Variants in XPO5 observed in about 807,000 individuals in gnomAD.
XPO5 encodes exportin 5, also known as exportin-5.
Under a neutral mutation model 160.6 loss-of-function variants are expected in XPO5, and 46 were observed. That is an observed-to-expected ratio of 0.29 (90% CI 0.23 to 0.37). XPO5 has a LOEUF of 0.37. Ranked by LOEUF, XPO5 falls within the 10% of genes least tolerant of loss-of-function variation. The probability of loss-of-function intolerance (pLI) is 1.00; values close to 1 mark genes in which losing one functional copy is unlikely to be tolerated. For synonymous variants in XPO5, 537 were observed against 519.3 expected (o/e 1.03, Z -0.46); for missense variants, 1,090 against 1,463.9 (o/e 0.74, Z 4.17).
chr6:43,575,812 G>A lies in XPO5; in HGVS notation c.53C>T (p.Thr18Met). The A allele has an allele frequency of 1.9e-6, 3 of 1,613,818 alleles. No homozygotes were observed. The highest frequency in any genetic ancestry group is 2.2e-5 in the South Asian group (2 of 91,084). ...ALCEQLVKAVTVMMDPNSTQR... is the reference protein window; with the variant it reads ...ALCEQLVKAVMVMMDPNSTQR... ...GGTGGAGTTGGGGTCCATCATGACC[G>A]TCACCGCTTTCACCAGCTGCTCGCA... The change falls in exon 1 of 32, where the codon ACG (threonine) becomes ATG (methionine). Residue 18 changes from threonine to methionine, a missense_variant. By Grantham distance (81) the Thr-to-Met change is moderately conservative. Transcript: ENST00000265351.
At chr6:43,573,826 T>A (rs868460817) in intron 1 of XPO5, among the ~76,000 whole-genome samples, 7,936 of 121,140 alleles carry the variant, frequency 0.066, 178 homozygotes, top group African/African-American at 0.1. Flanking sequence ...TATATATATT[T>A]TTTTTTTTTT....
chr6:43,563,206 C>G (rs920118753), intron 8 of XPO5, among the ~76,000 whole-genome samples: 10 of 152,088 alleles, frequency 6.6e-5, no homozygotes, highest in African/African-American at 2.4e-4. Flanking sequence ...CTCACTGAAG[C>G]CTCAAACTAA....
chr6:43,568,568 T>C, intron 6 of XPO5, 143 bp downstream of exon 6: 1 of 632,020 alleles, frequency 1.6e-6, no homozygotes, highest in Non-Finnish European at 2.5e-6. Context: ...ACCACACAAC[T>C]GCACTCCAGC....
In XPO5 at chr6:43,568,704, C is replaced by A. The variant is rs367687316; in HGVS notation, c.648+7G>T. The A allele has an allele frequency of 2.5e-6, 4 of 1,578,896 alleles. No individual in the cohort carries two copies. The highest frequency in any genetic ancestry group is 3.4e-6 in the Non-Finnish European group (4 of 1,161,464). On this transcript the variant is annotated splice_region_variant and intron_variant, in intron 6 of 31. Coordinates refer to ENST00000265351, the MANE Select transcript of XPO5 (RefSeq NM_020750.3). The stretch of plus-strand genomic sequence containing the variant: ...GGTCTCCTTCAAACTTTATAAAGAG[C>A]TCTTACCTTTGACTCCTGAGAAGTA...
chr6:43,548,215 T>C, intron 18 of XPO5, 46 bp downstream of exon 18: 1 of 1,504,054 alleles, frequency 6.6e-7, no homozygotes, highest in South Asian at 1.4e-5. Flanking sequence ...TAAACCAAAA[T>C]GGGTGCTTGA....
At chr6:43,541,219 T>C (rs558768677) in intron 20 of XPO5, among the ~76,000 whole-genome samples, 8 of 152,298 alleles carry the variant, frequency 5.3e-5, no homozygotes, top group African/African-American at 1.4e-4. Flanking sequence ...TAGTCAATAA[T>C]AATTTTGATT....
At chr6:43,569,520 G>C (rs1420443453) in intron 5 of XPO5, among the ~76,000 whole-genome samples, 2 of 151,912 alleles carry the variant, frequency 1.3e-5, no homozygotes. Flanking sequence ...GATTATTTGA[G>C]GTCAGGAGTT....
chr6:43,558,855 T>A (rs902283707), intron 11 of XPO5: 5 of 346,086 alleles, frequency 1.4e-5, no homozygotes, highest in African/African-American at 1.1e-4. Context: ...TGAATTCTTT[T>A]AAGGTCCCCA....
chr6:43,539,129 A>T (rs1794532180), intron 20 of XPO5: 1 of 1,194,804 alleles, frequency 8.4e-7, no homozygotes, highest in Non-Finnish European at 1.2e-6. Flanking sequence ...GAGGCGCACC[A>T]GCACAGAGCC....
At chr6:43,546,525 A>C in intron 20 of XPO5, 46 bp downstream of exon 20, 1 of 1,549,480 alleles carries the variant, frequency 6.5e-7, no homozygotes, top group Non-Finnish European at 8.7e-7. Context: ...TGAAATTTTT[A>C]AGGTAAAGTA....
In XPO5 at chr6:43,525,938, G is replaced by A. The variant is rs762924272; in HGVS notation, c.2984-17C>T. The A allele has an allele frequency of 4.2e-5, 67 of 1,613,144 alleles. 1 individual carries two copies. In the South Asian group the frequency reaches 7.4e-4, roughly 18 times the overall value. On this transcript the variant is annotated splice_polypyrimidine_tract_variant and intron_variant, in intron 27 of 31. Transcript: ENST00000265351. ...TTTCTTCATCTGTTATCAGAGAGTAGAATGTTAAGCTCCATCCTTTCAGAA... is the reference window on the plus strand; with the variant it reads ...TTTCTTCATCTGTTATCAGAGAGTAAAATGTTAAGCTCCATCCTTTCAGAA...
intron 20 of XPO5, among the ~76,000 whole-genome samples, chr6:43,537,385 G>C (rs1794404866): frequency 6.6e-6 from 1 of 152,088 alleles, no homozygotes; most frequent in Non-Finnish European, 1.5e-5. Context: ...ATCTACAAAG[G>C]ATTATCTGCT....
chr6:43,558,087 C>T (rs1762202483), intron 12 of XPO5, among the ~76,000 whole-genome samples: 1 of 148,460 alleles, frequency 6.7e-6, no homozygotes, highest in Admixed American at 6.7e-5. Context: ...AAGAGTGAAA[C>T]TCCATCTCAA....
intron 31 of XPO5, 74 bp from the exon 32 acceptor site, chr6:43,524,079 A>G: frequency 1.9e-6 from 3 of 1,550,420 alleles, no homozygotes; most frequent in East Asian, 4.7e-5. Flanking sequence ...GGCCCGGCGC[A>G]GTGGCTCGCG....
chr6:43,550,249 T>A (rs1441748459), intron 15 of XPO5, among the ~76,000 whole-genome samples: 1 of 152,222 alleles, frequency 6.6e-6, no homozygotes, highest in Non-Finnish European at 1.5e-5. Flanking sequence ...GTATGGTCTA[T>A]CCCTTCTATT....
chr6:43,575,640 T>C (rs938471212), intron 1 of XPO5, 120 bp downstream of exon 1: 2 of 848,598 alleles, frequency 2.4e-6, no homozygotes, highest in Admixed American at 5.4e-5. Flanking sequence ...CCCGGGGAGT[T>C]GGGAAAGGAG....
At chr6:43,556,712 G>C (rs1047276303) in intron 12 of XPO5, among the ~76,000 whole-genome samples, 1 of 151,918 alleles carries the variant, frequency 6.6e-6, no homozygotes, top group South Asian at 2.1e-4. Context: ...ACAAAACCTT[G>C]TATATAAATG....
intron 8 of XPO5, among the ~76,000 whole-genome samples, chr6:43,563,735 G>A (rs1209296282): frequency 6.6e-6 from 1 of 152,024 alleles, no homozygotes; most frequent in East Asian, 1.9e-4. Flanking sequence ...ATACAGAAAA[G>A]GTACAGTAAA....
At chr6:43,530,618 T>C (rs1437924116) in intron 23 of XPO5, 70 bp downstream of exon 23, 1 of 1,547,484 alleles carries the variant, frequency 6.5e-7, no homozygotes, top group East Asian at 2.3e-5. Context: ...CTCTGGTTGC[T>C]GTGACCTGTT....
Sources: allele counts gnomAD v4.1 joint callset (sites outside exome capture counted in the v4.1 genomes callset), GRCh38; gene constraint gnomAD v4.1.1; transcripts MANE v1.5; gene names NCBI Gene and HGNC (gene_info 2026-07-23, HGNC 2026-07-21).